Variants in EYS observed in about 807,000 individuals in gnomAD.
The protein encoded by EYS is EGF-like photoreceptor maintenance factor.
A neutral mutation model predicts 282.1 loss-of-function variants in EYS; 250 were observed. That is an observed-to-expected ratio of 0.89 (90% CI 0.80 to 0.98). The LOEUF (loss-of-function observed/expected upper bound fraction) is 0.98. EYS is among the 50% of genes least tolerant of loss of function. EYS has a pLI of 0.00. For missense variants in EYS, 4,016 were observed against 3,709.0 expected (o/e 1.08, Z -2.15); for synonymous variants, 1,355 against 1,282.9 (o/e 1.06, Z -1.20).
intron 40 of EYS, among the ~76,000 whole-genome samples, chr6:63,765,101 G>A (rs1769753803): frequency 6.6e-6 from 1 of 151,508 alleles, no homozygotes; most frequent in Admixed American, 6.6e-5. Context: ...CTATATAATG[G>A]GCAATGTAAA....
chr6:65,096,377 T>C (rs1774740252), intron 12 of EYS, among the ~76,000 whole-genome samples: 1 of 150,898 alleles, frequency 6.6e-6, no homozygotes, highest in African/African-American at 2.4e-5. Context: ...CATGCTGATT[T>C]CATGGTTTAG....
At position 64,403,118 on chromosome 6, in the gene EYS, A is replaced by T. The variant is rs572592160; in HGVS notation, c.5928-14278T>A. ...TTAATCAAGAACAATATATCCAATT[A>T]TCGTTATCATTATAAGCAATTAAGC... On this transcript the variant is annotated intron_variant, in intron 28 of 42. Transcript: ENST00000503581. Among the ~76,000 whole-genome samples, 8 of 152,258 alleles carry T rather than the reference A, an allele frequency of 5.3e-5. No homozygotes were observed. In the South Asian group the frequency reaches 1.7e-3, roughly 32 times the overall value.
intron 22 of EYS, among the ~76,000 whole-genome samples, chr6:64,698,493 T>A (rs7769263): frequency 0.68 from 103,512 of 151,996 alleles, 36,311 homozygotes; most frequent in Middle Eastern, 0.78. Flanking sequence ...TGGGATCTAA[T>A]TAAATTTAAG....
intron 24 of EYS, among the ~76,000 whole-genome samples, chr6:64,615,664 A>T (rs1261772036): frequency 2.0e-5 from 3 of 152,058 alleles, no homozygotes; most frequent in African/African-American, 7.2e-5. Context: ...TTAGCTACTC[A>T]TTTTAAAGAA....
At position 64,417,671 on chromosome 6, in the gene EYS, C is replaced by CTTTT. The variant is rs11414644; in HGVS notation, c.5927+18499_5927+18502dup. Among the ~76,000 whole-genome samples, 14 of 124,022 alleles carry CTTTT rather than the reference C, an allele frequency of 1.1e-4. 1 individual carries two copies. The highest frequency in any genetic ancestry group is 1.3e-4 in the Non-Finnish European group (8 of 62,078). 81.4% of individuals were successfully genotyped at this position (124,022 alleles called of 152,430 possible). On this transcript the variant is annotated intron_variant, in intron 28 of 42. Transcript: ENST00000503581. ...GCATATTCTTACCTGTAAGGGTTGG[C>CTTTT]TTTTTTTTTTTTTTTTTTTGACAGC...
At chr6:63,757,866 T>C (rs1289485484) in intron 41 of EYS, among the ~76,000 whole-genome samples, 2 of 152,130 alleles carry the variant, frequency 1.3e-5, no homozygotes, top group African/African-American at 4.8e-5. Context: ...AATTTAACAA[T>C]TTGCTATTAC....
At chr6:63,972,061 A>G (rs1432135585) in intron 35 of EYS, among the ~76,000 whole-genome samples, 2 of 152,164 alleles carry the variant, frequency 1.3e-5, no homozygotes, top group Admixed American at 6.5e-5. Flanking sequence ...TCTTCACTCT[A>G]TTTCTGAGAA....
chr6:65,330,749 A>G, intron 11 of EYS: 2 of 959,658 alleles, frequency 2.1e-6, no homozygotes, highest in Non-Finnish European at 2.5e-6. Flanking sequence ...AAATTTCTCC[A>G]TCCCGAAATC....
At chr6:63,788,656 C>T (rs1485494251) in intron 38 of EYS, among the ~76,000 whole-genome samples, 1 of 146,810 alleles carries the variant, frequency 6.8e-6, no homozygotes, top group Non-Finnish European at 1.6e-5. Flanking sequence ...CTTCTTAGCA[C>T]ATCTAAGCCC....
chr6:63,957,235 CA>C (rs1765867344), intron 35 of EYS, among the ~76,000 whole-genome samples: 2 of 130,514 alleles, frequency 1.5e-5, no homozygotes, highest in African/African-American at 5.0e-5. Flanking sequence ...AAATTACCAA[CA>C]AAAAACAGAA....
chr6:65,663,933 G>A (rs1245584121), intron 1 of EYS, among the ~76,000 whole-genome samples: 9 of 131,032 alleles, frequency 6.9e-5, no homozygotes, highest in African/African-American at 2.0e-4. Flanking sequence ...GTGTAGTGGC[G>A]CAATCTCGGA....
intron 19 of EYS, among the ~76,000 whole-genome samples, chr6:64,836,944 G>C (rs2643783): frequency 6.6e-6 from 1 of 151,390 alleles, no homozygotes; most frequent in African/African-American, 2.4e-5. Context: ...TTATAGTATA[G>C]CCTCATGATG....
At chr6:65,281,172 C>T (rs530151478) in intron 12 of EYS, among the ~76,000 whole-genome samples, 2 of 151,100 alleles carry the variant, frequency 1.3e-5, no homozygotes, top group East Asian at 3.9e-4. Flanking sequence ...ATTATCTATA[C>T]CACCTCTCAT....
At chr6:64,235,759 C>G (rs9451163) in intron 30 of EYS, among the ~76,000 whole-genome samples, 151,210 of 152,120 alleles carry the variant, frequency 0.99, 75,160 homozygotes, top group Non-Finnish European at 1. Flanking sequence ...CTGTTGTTTC[C>G]TGACTTTTTA....
chr6:65,347,833 A>T (rs1770458694), intron 9 of EYS, among the ~76,000 whole-genome samples: 2 of 151,382 alleles, frequency 1.3e-5, no homozygotes, highest in Admixed American at 1.3e-4. Context: ...AATTATATCT[A>T]ATTATATTTT....
intron 30 of EYS, among the ~76,000 whole-genome samples, chr6:64,304,299 AAGAC>A (rs1034208101): frequency 1.9e-4 from 29 of 152,224 alleles, no homozygotes; most frequent in African/African-American, 5.1e-4. Flanking sequence ...TGAAGCAAAA[AAGAC>A]AGAATTTAAG....
intron 42 of EYS, 121 bp downstream of exon 42, chr6:63,726,398 A>G: frequency 1.2e-6 from 1 of 834,938 alleles, no homozygotes; most frequent in Non-Finnish European, 1.8e-6. Flanking sequence ...TGCAGTGACA[A>G]TAGAACATAA....
At position 65,559,520 on chromosome 6, in the gene EYS, A is replaced by G. The variant is rs546261754; in HGVS notation, c.-332-63527T>C. Reference sequence around the variant, plus strand: ...ATTCACTCCCCAAGATTAGGCTGTAAGGTTTTTCATGGGCATAAATATAAT... The same window carrying G: ...ATTCACTCCCCAAGATTAGGCTGTAGGGTTTTTCATGGGCATAAATATAAT... On this transcript the variant is annotated intron_variant, in intron 2 of 42. Transcript: ENST00000503581. 4.6e-5 allele frequency among the ~76,000 whole-genome samples: 7 copies of G among 152,296 alleles called. No homozygotes were observed. The East Asian group carries it at 1.3e-3, about 29-fold the overall frequency.
At chr6:63,984,940 A>G (rs1206930152) in intron 34 of EYS, among the ~76,000 whole-genome samples, 1 of 151,798 alleles carries the variant, frequency 6.6e-6, no homozygotes, top group African/African-American at 2.4e-5. Context: ...ATAATAACTA[A>G]AAAAGAAAAT....
Sources: gnomAD v4.1 joint callset for allele counts (sites outside exome capture counted in the v4.1 genomes callset) on GRCh38, gnomAD v4.1.1 for gene constraint, MANE v1.5 for transcripts, NCBI Gene and HGNC (gene_info 2026-07-23, HGNC 2026-07-21) for gene names.